Variants in SPIRE1 observed in about 807,000 individuals in gnomAD.
SPIRE1 encodes the protein protein spire homolog 1.
In SPIRE1, 40 loss-of-function variants were observed where a neutral mutation model predicts 94.1. The ratio of observed to expected loss-of-function variants is 0.43; its 90% confidence interval spans 0.33 to 0.55. The LOEUF (loss-of-function observed/expected upper bound fraction) is 0.55, where lower values mean the gene tolerates loss of function less well. SPIRE1 is among the 20% of genes least tolerant of loss of function. The pLI is 0.06. For missense variants in SPIRE1, 838 were observed against 975.2 expected, an observed-to-expected ratio of 0.86 and a Z score of 1.87; for synonymous variants, 376 against 371.7, an observed-to-expected ratio of 1.01 and a Z score of -0.13.
intron 16 of SPIRE1, chr18:12,451,165 G>T: frequency 3.7e-6 from 1 of 267,094 alleles, no homozygotes; most frequent in South Asian, 6.3e-5. Flanking sequence ...ATGAACATTA[G>T]CTAACTGTAG....
intron 2 of SPIRE1, among the ~76,000 whole-genome samples, chr18:12,564,905 G>C (rs769512450): frequency 2.0e-5 from 3 of 151,966 alleles, no homozygotes; most frequent in Non-Finnish European, 4.4e-5. Context: ...AAACAAAATG[G>C]AGTATCTAAG....
At chr18:12,620,306 T>C (rs2037431263) in intron 2 of SPIRE1, among the ~76,000 whole-genome samples, 1 of 152,260 alleles carries the variant, frequency 6.6e-6, no homozygotes, top group Admixed American at 6.5e-5. Context: ...CCAGCTGGTT[T>C]CTTTGTCAGA....
intron 10 of SPIRE1, among the ~76,000 whole-genome samples, chr18:12,473,373 T>C (rs1277640979): frequency 6.6e-6 from 1 of 152,152 alleles, no homozygotes; most frequent in Non-Finnish European, 1.5e-5. Flanking sequence ...GTGTTGCTCT[T>C]AATAATGGTA....
chr18:12,637,092 G>C (rs970673993), intron 1 of SPIRE1, among the ~76,000 whole-genome samples: 4 of 152,180 alleles, frequency 2.6e-5, no homozygotes, highest in African/African-American at 9.7e-5. Flanking sequence ...AAGTGCAGTG[G>C]CTCACGCCTG....
intron 2 of SPIRE1, among the ~76,000 whole-genome samples, chr18:12,606,819 T>C (rs990705227): frequency 6.6e-6 from 1 of 152,138 alleles, no homozygotes; most frequent in Admixed American, 6.5e-5. Context: ...GTGTGAGCCA[T>C]CGCACGGGGC....
intron 5 of SPIRE1, 116 bp downstream of exon 5, chr18:12,512,338 G>C: frequency 1.5e-6 from 1 of 685,636 alleles, no homozygotes; most frequent in Non-Finnish European, 2.4e-6. Context: ...AGTGAGCTGA[G>C]ATCGCACCAT....
At chr18:12,468,300 G>A (rs2032205263) in intron 10 of SPIRE1, among the ~76,000 whole-genome samples, 1 of 152,168 alleles carries the variant, frequency 6.6e-6, no homozygotes, top group African/African-American at 2.4e-5. Flanking sequence ...CTGCAGCCCA[G>A]CACTGGCCAC....
chr18:12,582,936 C>T (rs1055517464), intron 2 of SPIRE1, among the ~76,000 whole-genome samples: 11 of 152,160 alleles, frequency 7.2e-5, no homozygotes, highest in Admixed American at 5.2e-4. Context: ...AAAGATCAGA[C>T]ATATACAGTG....
intron 2 of SPIRE1, among the ~76,000 whole-genome samples, chr18:12,613,717 T>C (rs191500791): frequency 1.4e-5 from 2 of 144,402 alleles, no homozygotes; most frequent in Admixed American, 7.0e-5. Context: ...ATGGCCAACA[T>C]GGTGAAAGGC....
chr18:12,583,687 G>A (rs2036316799), intron 2 of SPIRE1, among the ~76,000 whole-genome samples: 1 of 152,146 alleles, frequency 6.6e-6, no homozygotes, highest in African/African-American at 2.4e-5. Flanking sequence ...ACTTTTGGGA[G>A]GCTGAGGTGA....
chr18:12,648,681 G>A (rs2038291695), intron 1 of SPIRE1, among the ~76,000 whole-genome samples: 2 of 152,036 alleles, frequency 1.3e-5, no homozygotes, highest in Non-Finnish European at 2.9e-5. Context: ...CCTGAGGTCA[G>A]GAGTTTGAGA....
chr18:12,557,012 C>T lies in SPIRE1; in HGVS notation c.373-10108G>A, dbSNP rs575940970. ...TCTTTTGACAGGGTGCTGATTGGTGCGTTTACAAACCTTGAGCTAGACACA... is the reference window on the plus strand; with the variant it reads ...TCTTTTGACAGGGTGCTGATTGGTGTGTTTACAAACCTTGAGCTAGACACA... On this transcript the variant is annotated intron_variant, in intron 2 of 16. Transcript: ENST00000409402. 5.0e-4 allele frequency among the ~76,000 whole-genome samples: 76 copies of T among 152,288 alleles called. No individual in the cohort carries two copies. In the East Asian group the frequency reaches 0.011, roughly 22 times the overall value.
chr18:12,564,131 C>CT (rs1254535063), intron 2 of SPIRE1, among the ~76,000 whole-genome samples: 1 of 152,084 alleles, frequency 6.6e-6, no homozygotes, highest in African/African-American at 2.4e-5. Context: ...AAAAAATAAA[C>CT]TAGCAAAACA....
chr18:12,454,674 G>A (rs2031422347), intron 12 of SPIRE1, among the ~76,000 whole-genome samples, 191 bp from the exon 13 acceptor site: 1 of 151,956 alleles, frequency 6.6e-6, no homozygotes, highest in Non-Finnish European at 1.5e-5. Flanking sequence ...AAAGATGGCA[G>A]AAAACATGTG....
At chr18:12,582,476 A>G (rs2036281423) in intron 2 of SPIRE1, among the ~76,000 whole-genome samples, 1 of 152,200 alleles carries the variant, frequency 6.6e-6, no homozygotes, top group Non-Finnish European at 1.5e-5. Flanking sequence ...CCATGGCCCT[A>G]TATTAAGTAG....
In SPIRE1 at chr18:12,657,940, C is replaced by T; in HGVS notation, c.-74G>A. Reference sequence around the variant, plus strand: ...CCTCAGCTCCGGAGCATCGTCGTCGCGCGCCGCCGCCTCACCATCCCCGGA... The same window carrying T: ...CCTCAGCTCCGGAGCATCGTCGTCGTGCGCCGCCGCCTCACCATCCCCGGA... On this transcript the variant is annotated 5_prime_UTR_variant, in exon 1 of 17. Transcript: ENST00000409402. 2.0e-6 allele frequency: 2 copies of T among 1,010,434 alleles called. No individual in the cohort carries two copies. Among genetic ancestry groups the T allele is most frequent in the Non-Finnish European group, 2.4e-6 (2 of 848,388 alleles). The allele number at this position is 1,010,434 out of a possible 1,614,324, so 62.6% of individuals were successfully genotyped here.
chr18:12,633,503 G>A (rs966343377), intron 2 of SPIRE1, among the ~76,000 whole-genome samples: 1 of 151,788 alleles, frequency 6.6e-6, no homozygotes, highest in Non-Finnish European at 1.5e-5. Context: ...TTGAACCTGG[G>A]AGGTGGAGGT....
chr18:12,619,801 G>A (rs34438212), intron 2 of SPIRE1, among the ~76,000 whole-genome samples: 49,719 of 145,750 alleles, frequency 0.34, 9,996 homozygotes, highest in East Asian at 0.58. Flanking sequence ...AGCCAAGATC[G>A]CGGCACTGCA....
intron 2 of SPIRE1, among the ~76,000 whole-genome samples, chr18:12,557,512 C>T (rs1012062369): frequency 1.3e-4 from 20 of 152,112 alleles, no homozygotes; most frequent in Non-Finnish European, 7.4e-5. Flanking sequence ...ACCCAGTTCC[C>T]GCCCACACCT....
Sources: gnomAD v4.1 joint callset for allele counts (sites outside exome capture counted in the v4.1 genomes callset) on GRCh38, gnomAD v4.1.1 for gene constraint, MANE v1.5 for transcripts, NCBI Gene and HGNC (gene_info 2026-07-23, HGNC 2026-07-21) for gene names.